The following CADM2 variants were observed in gnomAD, a reference collection of about 807,000 sequenced individuals.
The protein encoded by CADM2 is cell adhesion molecule 2, also known as immunoglobulin superfamily member 4D.
A neutral mutation model predicts 49.8 loss-of-function variants in CADM2; 12 were observed. That is an observed-to-expected ratio of 0.24 (90% CI 0.15 to 0.39). The LOEUF (loss-of-function observed/expected upper bound fraction) is 0.39. Among genes scored for constraint, CADM2 ranks in the 10% least tolerant of loss-of-function variants. The probability of loss-of-function intolerance (pLI) is 1.00; values close to 1 mark genes in which losing one functional copy is unlikely to be tolerated. For synonymous variants in CADM2, 214 were observed against 175.4 expected, an observed-to-expected ratio of 1.22 and a Z score of -1.74; for missense variants, 378 against 492.3, an observed-to-expected ratio of 0.77 and a Z score of 2.20.
At chr3:85,748,694 T>G (rs1052205786) in intron 2 of CADM2, among the ~76,000 whole-genome samples, 1 of 152,138 alleles carries the variant, frequency 6.6e-6, no homozygotes, top group Non-Finnish European at 1.5e-5. Flanking sequence ...GTTTCCTTTA[T>G]GCACTTTTAT....
chr3:85,361,074 T>G (rs2032322580), intron 1 of CADM2, among the ~76,000 whole-genome samples: 1 of 152,162 alleles, frequency 6.6e-6, no homozygotes, highest in African/African-American at 2.4e-5. Context: ...ATAGCCATCT[T>G]TTATCCCAAG....
intron 8 of CADM2, among the ~76,000 whole-genome samples, chr3:86,030,132 G>A (rs1734382066): frequency 6.6e-6 from 1 of 151,938 alleles, no homozygotes; most frequent in South Asian, 2.1e-4. Flanking sequence ...GAAAACTCCT[G>A]AAGACTTTAA....
At chr3:85,405,292 C>A (rs570882867) in intron 1 of CADM2, among the ~76,000 whole-genome samples, 16 of 152,208 alleles carry the variant, frequency 1.1e-4, no homozygotes, top group Admixed American at 2.0e-4. Flanking sequence ...GATAATAGTA[C>A]AAATAGCAAT....
At position 86,072,591 on chromosome 3, in the gene CADM2, G is replaced by A. The variant is rs1028037152; in HGVS notation, c.*5808G>A. The A allele has an allele frequency of 2.0e-5, 3 of 151,876 alleles. No homozygotes were observed. The highest frequency in any genetic ancestry group is 4.1e-4 in the South Asian group (2 of 4,824). 9.4% of individuals were successfully genotyped at this position (151,876 alleles called of 1,614,324 possible). ...AGTAACTACATGGACTTTTAAGTGC[G>A]GTATGAAATGCAACATTACGCTTAC... On this transcript the variant is annotated 3_prime_UTR_variant, in exon 10 of 10. Coordinates refer to ENST00000383699, the MANE Select transcript of CADM2 (RefSeq NM_001167675.2).
chr3:85,278,897 A>T (rs549439304), intron 1 of CADM2, among the ~76,000 whole-genome samples: 1 of 151,612 alleles, frequency 6.6e-6, no homozygotes, highest in Non-Finnish European at 1.5e-5. Flanking sequence ...CTAGTTATGG[A>T]GTATCACATA....
chr3:85,553,095 C>T (rs931834420), intron 1 of CADM2, among the ~76,000 whole-genome samples: 1 of 151,662 alleles, frequency 6.6e-6, no homozygotes, highest in Non-Finnish European at 1.5e-5. Flanking sequence ...GATTATTCAC[C>T]AGAATAATTA....
intron 1 of CADM2, among the ~76,000 whole-genome samples, chr3:85,062,935 T>C (rs1162026277): frequency 6.6e-6 from 1 of 151,850 alleles, no homozygotes; most frequent in Non-Finnish European, 1.5e-5. Flanking sequence ...TTAGACTATT[T>C]GATTTGAATT....
intron 3 of CADM2, among the ~76,000 whole-genome samples, chr3:85,830,310 G>A (rs778397275): frequency 6.6e-6 from 1 of 151,876 alleles, no homozygotes; most frequent in Non-Finnish European, 1.5e-5. Flanking sequence ...TTGGCCATTT[G>A]TAGGTCTGCT....
chr3:85,247,918 TA>T (rs1306564914), intron 1 of CADM2, among the ~76,000 whole-genome samples: 6 of 152,174 alleles, frequency 3.9e-5, no homozygotes, highest in African/African-American at 2.4e-5. Context: ...TTGTTGAATA[TA>T]TATGAATAAT....
chr3:85,588,221 G>T (rs1248214849), intron 1 of CADM2, among the ~76,000 whole-genome samples: 1 of 152,006 alleles, frequency 6.6e-6, no homozygotes, highest in African/African-American at 2.4e-5. Context: ...TACAAGCATT[G>T]TTTAAAAATA....
chr3:86,046,699 G>A (rs895001139), intron 8 of CADM2, among the ~76,000 whole-genome samples: 1 of 152,040 alleles, frequency 6.6e-6, no homozygotes, highest in African/African-American at 2.4e-5. Flanking sequence ...ATGGACAATA[G>A]GACTGGGCTG....
At chr3:85,342,429 A>G (rs914841977) in intron 1 of CADM2, among the ~76,000 whole-genome samples, 7 of 152,106 alleles carry the variant, frequency 4.6e-5, no homozygotes, top group South Asian at 2.1e-4. Flanking sequence ...AAAATGATTT[A>G]TACATAATTT....
intron 1 of CADM2, among the ~76,000 whole-genome samples, chr3:85,159,507 C>T (rs2040248782): frequency 6.6e-6 from 1 of 152,176 alleles, no homozygotes; most frequent in Non-Finnish European, 1.5e-5. Context: ...TTCAGACCCA[C>T]TGGTGTCAGT....
intron 1 of CADM2, among the ~76,000 whole-genome samples, chr3:85,624,584 A>C (rs1242559438): frequency 6.6e-6 from 1 of 151,282 alleles, no homozygotes. Flanking sequence ...ACCCGCCTTG[A>C]CCTCCCAAAG....
intron 8 of CADM2, chr3:86,014,610 G>T (rs941618265): frequency 1.9e-6 from 3 of 1,598,562 alleles, no homozygotes; most frequent in African/African-American, 1.3e-5. Context: ...GGAACTTAAA[G>T]ATATATTCTT....
intron 8 of CADM2, among the ~76,000 whole-genome samples, chr3:86,017,175 T>TGC (rs200767951): frequency 0.048 from 5,398 of 112,408 alleles, 303 homozygotes; most frequent in African/African-American, 0.16. Flanking sequence ...TGTGTATATA[T>TGC]ATATATATAT....
intron 1 of CADM2, among the ~76,000 whole-genome samples, chr3:84,969,348 G>A (rs1044629381): frequency 6.6e-6 from 1 of 151,898 alleles, no homozygotes; most frequent in African/African-American, 2.4e-5. Flanking sequence ...AGTTTTAGTA[G>A]ACAAAAGAAT....
chr3:85,978,079 ATC>A (rs1315240313), intron 8 of CADM2, among the ~76,000 whole-genome samples: 35 of 151,786 alleles, frequency 2.3e-4, no homozygotes, highest in Admixed American at 2.2e-3. Context: ...AACATGTGAA[ATC>A]AAACCTCAGC....
chr3:85,949,204 T>TA (rs1229242597), intron 7 of CADM2, among the ~76,000 whole-genome samples: 11 of 151,070 alleles, frequency 7.3e-5, no homozygotes, highest in African/African-American at 2.7e-4. Flanking sequence ...TGACTTTTTT[T>TA]TAAAAAGAAA....
Sources: allele counts gnomAD v4.1 joint callset (sites outside exome capture counted in the v4.1 genomes callset), GRCh38; gene constraint gnomAD v4.1.1; transcripts MANE v1.5; gene names NCBI Gene and HGNC (gene_info 2026-07-23, HGNC 2026-07-21).